Variants in ADAMTSL1 observed in about 807,000 individuals in gnomAD.
The protein encoded by ADAMTSL1 is ADAMTS-like protein 1.
Under a neutral mutation model 201.8 loss-of-function variants are expected in ADAMTSL1, and 126 were observed. That is an observed-to-expected ratio of 0.62 (90% CI 0.54 to 0.72). ADAMTSL1 has a LOEUF of 0.72. Among genes scored for constraint, ADAMTSL1 ranks in the 30% least tolerant of loss-of-function variants. The pLI is 0.00. For missense variants in ADAMTSL1, 2,679 were observed against 2,277.8 expected, an observed-to-expected ratio of 1.18 and a Z score of -3.59; for synonymous variants, 1,121 against 903.4, an observed-to-expected ratio of 1.24 and a Z score of -4.32.
At chr9:18,417,630 A>G (rs1818744880) in intron 2 of ADAMTSL1, among the ~76,000 whole-genome samples, 1 of 152,140 alleles carries the variant, frequency 6.6e-6, no homozygotes, top group Non-Finnish European at 1.5e-5. Context: ...TCAACAATAT[A>G]GATGGACCAA....
chr9:18,639,498 C>T, intron 7 of ADAMTSL1, 87 bp downstream of exon 7: 1 of 1,494,026 alleles, frequency 6.7e-7, no homozygotes, highest in South Asian at 1.3e-5. Flanking sequence ...ATTTTTGGTT[C>T]TGACATATGT....
intron 2 of ADAMTSL1, among the ~76,000 whole-genome samples, chr9:18,278,615 T>TATACTCTG (rs1217072672): frequency 6.6e-6 from 1 of 152,202 alleles, no homozygotes. Context: ...GGTATTTAAT[T>TATACTCTG]ATACTCTGTT....
chr9:18,886,175 TATATATATATATATATATATATATATA>T (rs1828858280), intron 23 of ADAMTSL1, among the ~76,000 whole-genome samples: 1 of 91,990 alleles, frequency 1.1e-5, no homozygotes, highest in East Asian at 2.8e-4. Context: ...TGTATATATA[TATATATATATATATATATATATATATA>T]TATATATATA....
chr9:18,795,496 C>T lies in ADAMTSL1; in HGVS notation c.3777C>T (p.Asp1259=). 5 of 1,613,578 alleles carry T rather than the reference C, an allele frequency of 3.1e-6. No homozygotes were observed. Among genetic ancestry groups the T allele is most frequent in the African/African-American group, 1.3e-5 (1 of 75,020 alleles). Residue 1259 remains aspartate, a synonymous_variant, in exon 20 of 29, where the codon GAC becomes GAT. Transcript: ENST00000380548. ...ATGCCACCAATGCCTTGGGATACGA[C>T]TCTGTCTCCATTGCCGTCACATTAG... ...TCNATNALGY[D]SVSIAVTLAG...
At chr9:18,319,501 C>T (rs566450353) in intron 2 of ADAMTSL1, among the ~76,000 whole-genome samples, 56 of 152,232 alleles carry the variant, frequency 3.7e-4, no homozygotes, top group African/African-American at 1.3e-3. Context: ...AAAGTTTTCT[C>T]TTCTGATAAT....
At chr9:18,541,012 C>T (rs1388487026) in intron 3 of ADAMTSL1, among the ~76,000 whole-genome samples, 3 of 152,152 alleles carry the variant, frequency 2.0e-5, no homozygotes, top group Admixed American at 2.0e-4. Context: ...ACCTACCCAG[C>T]TGAAAAACAG....
chr9:17,969,994 C>G (rs903326947), intron 1 of ADAMTSL1, among the ~76,000 whole-genome samples: 2 of 151,944 alleles, frequency 1.3e-5, no homozygotes, highest in African/African-American at 2.4e-5. Context: ...CTGTAGTAAC[C>G]TTATCCTGTA....
At chr9:18,078,916 C>T (rs1343443876) in intron 1 of ADAMTSL1, among the ~76,000 whole-genome samples, 7 of 152,178 alleles carry the variant, frequency 4.6e-5, no homozygotes, top group African/African-American at 7.2e-5. Flanking sequence ...TTAGGAATTA[C>T]GGAGTAGTGG....
chr9:18,274,379 C>T, intron 2 of ADAMTSL1, among the ~76,000 whole-genome samples: 1 of 152,136 alleles, frequency 6.6e-6, no homozygotes, highest in African/African-American at 2.4e-5. Flanking sequence ...CACACATGTG[C>T]AAACTGAGCT....
chr9:18,245,325 A>G (rs1831218161), intron 2 of ADAMTSL1, among the ~76,000 whole-genome samples: 2 of 152,206 alleles, frequency 1.3e-5, no homozygotes, highest in Admixed American at 6.5e-5. Context: ...TAAAAATTAT[A>G]AATGGGATAG....
At chr9:18,842,992 T>C (rs1381249561) in intron 23 of ADAMTSL1, among the ~76,000 whole-genome samples, 1 of 152,202 alleles carries the variant, frequency 6.6e-6, no homozygotes, top group Non-Finnish European at 1.5e-5. Flanking sequence ...TTATCCAATT[T>C]GCCAGTCTTT....
At chr9:17,982,267 A>G (rs1325548327) in intron 1 of ADAMTSL1, among the ~76,000 whole-genome samples, 1 of 152,210 alleles carries the variant, frequency 6.6e-6, no homozygotes, top group Non-Finnish European at 1.5e-5. Context: ...AATATCATTT[A>G]CAGATCCATA....
intron 15 of ADAMTSL1, among the ~76,000 whole-genome samples, chr9:18,729,233 T>A (rs1428795238): frequency 6.6e-6 from 1 of 152,186 alleles, no homozygotes; most frequent in Non-Finnish European, 1.5e-5. Flanking sequence ...CTGGCGGCCT[T>A]TCCAGCTCTA....
intron 1 of ADAMTSL1, among the ~76,000 whole-genome samples, chr9:18,003,514 C>A (rs1248187124): frequency 6.6e-6 from 1 of 152,048 alleles, no homozygotes; most frequent in Non-Finnish European, 1.5e-5. Flanking sequence ...ATCGGCATGA[C>A]CTGTTGTTTT....
At chr9:18,295,391 T>A (rs1258229186) in intron 2 of ADAMTSL1, among the ~76,000 whole-genome samples, 1 of 151,422 alleles carries the variant, frequency 6.6e-6, no homozygotes, top group African/African-American at 2.4e-5. Flanking sequence ...CAGGCTGGAG[T>A]GCAGTGGCGC....
chr9:17,918,272 AG>A (rs769556052), intron 1 of ADAMTSL1, among the ~76,000 whole-genome samples: 1 of 151,766 alleles, frequency 6.6e-6, no homozygotes, highest in Non-Finnish European at 1.5e-5. Flanking sequence ...TCTCAAACAC[AG>A]ATGTTTAATG....
chr9:17,908,812 T>A (rs757249633), intron 1 of ADAMTSL1, among the ~76,000 whole-genome samples: 59 of 152,180 alleles, frequency 3.9e-4, no homozygotes, highest in Non-Finnish European at 6.8e-4. Flanking sequence ...GCAGCATGAT[T>A]TATAGTCCTT....
intron 15 of ADAMTSL1, among the ~76,000 whole-genome samples, chr9:18,741,351 T>G (rs966936437): frequency 1.3e-5 from 2 of 152,108 alleles, no homozygotes; most frequent in Non-Finnish European, 2.9e-5. Context: ...ATAAAGTCTG[T>G]AAGACTGCAA....
At chr9:18,673,631 C>A (rs951014046) in intron 9 of ADAMTSL1, among the ~76,000 whole-genome samples, 11 of 152,134 alleles carry the variant, frequency 7.2e-5, no homozygotes, top group African/African-American at 2.7e-4. Flanking sequence ...GTGTTACTGC[C>A]TCCATTTTAA....
Sources: allele counts gnomAD v4.1 joint callset (sites outside exome capture counted in the v4.1 genomes callset), GRCh38; gene constraint gnomAD v4.1.1; transcripts MANE v1.5; gene names NCBI Gene and HGNC (gene_info 2026-07-23, HGNC 2026-07-21).